GRK4: variants seen among roughly 807,000 people sequenced by gnomAD.
GRK4 encodes G protein-coupled receptor kinase 2-like.
GRK4 carries 73 observed loss-of-function variants against 77.9 expected under a neutral mutation model. The observed-to-expected ratio is 0.94, with a 90% CI of 0.78 to 1.14. The LOEUF is 1.14. Ranked by LOEUF, GRK4 falls within the 50% of genes most tolerant of loss-of-function variation. The pLI is 0.00. For synonymous variants in GRK4, 257 were observed against 254.4 expected (o/e 1.01, Z -0.10); for missense variants, 729 against 700.2 (o/e 1.04, Z -0.46).
intron 8 of GRK4, among the ~76,000 whole-genome samples, chr4:3,016,715 C>CA (rs71180110): frequency 0.3 from 38,805 of 130,200 alleles, 5,459 homozygotes; most frequent in Non-Finnish European, 0.35. Context: ...CAAAGCAAAA[C>CA]AAAAAAAAAA....
chr4:3,028,578 GACC>G (rs890844230), intron 11 of GRK4, among the ~76,000 whole-genome samples: 4 of 152,186 alleles, frequency 2.6e-5, no homozygotes, highest in Non-Finnish European at 5.9e-5. Context: ...GCCTTCCCTA[GACC>G]ACCATTTCCC....
At position 2,976,292 on chromosome 4, in the gene GRK4, C is replaced by T. The variant is rs116188439; in HGVS notation, c.53-8221C>T. Among the ~76,000 whole-genome samples the T allele has an allele frequency of 4.7e-3, 719 of 151,492 alleles. 2 individuals are homozygous for T. The highest frequency in any genetic ancestry group is 0.015 in the African/African-American group (599 of 41,266). ...TGTTGCTCAGGCTGGAATGCAGTGGCGCAGTCATGGCTCACTGCAGCCTTG... is the reference window on the plus strand; with the variant it reads ...TGTTGCTCAGGCTGGAATGCAGTGGTGCAGTCATGGCTCACTGCAGCCTTG... On this transcript the variant is annotated intron_variant, in intron 1 of 15. Transcript: ENST00000398052.
At chr4:2,983,733 A>G (rs1189518243) in intron 1 of GRK4, among the ~76,000 whole-genome samples, 3 of 152,150 alleles carry the variant, frequency 2.0e-5, no homozygotes, top group Non-Finnish European at 4.4e-5. Context: ...TCCCTGTATT[A>G]GTCCATTTTC....
intron 1 of GRK4, chr4:2,965,337 G>A: frequency 1.4e-6 from 1 of 703,042 alleles, no homozygotes; most frequent in East Asian, 2.7e-5. Context: ...CGGACCTCAT[G>A]TCTCCCTTGC....
At chr4:2,987,046 A>T in intron 2 of GRK4, 1 of 478,176 alleles carries the variant, frequency 2.1e-6, no homozygotes, top group South Asian at 1.6e-5. Flanking sequence ...CCATCACCAC[A>T]GTCAATTTGA....
At chr4:3,037,894 G>A (rs954370798) in intron 14 of GRK4, among the ~76,000 whole-genome samples, 15 of 147,748 alleles carry the variant, frequency 1.0e-4, no homozygotes, top group Non-Finnish European at 5.9e-5. Flanking sequence ...CACCTTGGGC[G>A]ACAGAACGAG....
At chr4:2,982,339 C>T (rs1448739243) in intron 1 of GRK4, among the ~76,000 whole-genome samples, 2 of 152,246 alleles carry the variant, frequency 1.3e-5, no homozygotes, top group Non-Finnish European at 2.9e-5. Flanking sequence ...AGCCTACAGG[C>T]AGTGTCAGGC....
chr4:3,015,705 G>A (rs1734262731), intron 8 of GRK4, among the ~76,000 whole-genome samples: 1 of 151,584 alleles, frequency 6.6e-6, no homozygotes, highest in Non-Finnish European at 1.5e-5. Context: ...CACAGTGTGT[G>A]TATATGATAT....
Position 3,027,376 on chromosome 4 carries a change from A to G in GRK4, c.971-536A>G, listed in dbSNP as rs146670253. 3.8e-3 allele frequency among the ~76,000 whole-genome samples: 572 copies of G among 152,326 alleles called. 3 individuals carry two copies. Among genetic ancestry groups the G allele is most frequent in the Non-Finnish European group, 6.5e-3 (442 of 68,030 alleles). ...TTGTTAGTTCCATAGGAATTCAACA[A>G]ATATTTAAATCCTTCTATATTCAAC... On this transcript the variant is annotated intron_variant, in intron 10 of 15. Transcript: ENST00000398052.
intron 1 of GRK4, chr4:2,966,199 G>A (rs1236423584): frequency 6.6e-6 from 1 of 152,336 alleles, no homozygotes; most frequent in Non-Finnish European, 1.5e-5. Context: ...GGATCACAAG[G>A]TCAGGAGATT....
chr4:3,013,638 A>C, intron 7 of GRK4, 50 bp from the exon 8 acceptor site: 3 of 1,570,530 alleles, frequency 1.9e-6, no homozygotes, highest in Non-Finnish European at 2.6e-6. Context: ...TGTGTGGCCT[A>C]AGAAATGCCA....
rs75764250 is a variant in GRK4, at chr4:3,005,453, C to T, written c.443+1119C>T. On this transcript the variant is annotated intron_variant, in intron 5 of 15. Coordinates refer to ENST00000398052, the MANE Select transcript of GRK4 (RefSeq NM_182982.3). ...GTGGCGCACCTGAGCCAGTGCAGTC[C>T]GAGCATAGTGGGGCTGGGGCTGGAC... is the stretch of plus-strand genomic sequence containing the variant. Among the ~76,000 whole-genome samples the T allele has an allele frequency of 9.3e-3, 1,415 of 151,980 alleles. 24 individuals carry two copies. Among genetic ancestry groups the T allele is most frequent in the African/African-American group, 0.032 (1,338 of 41,458 alleles).
chr4:3,030,407 AT>A (rs113686740), intron 12 of GRK4, among the ~76,000 whole-genome samples: 30 of 152,060 alleles, frequency 2.0e-4, no homozygotes, highest in East Asian at 1.4e-3. Context: ...TTAAACCAGT[AT>A]TTTTTTAGCA....
chr4:2,968,043 A>T (rs1331444144), intron 1 of GRK4, among the ~76,000 whole-genome samples: 1 of 151,142 alleles, frequency 6.6e-6, no homozygotes, highest in Non-Finnish European at 1.5e-5. Context: ...CACCCGCCTC[A>T]GCCTCCCAAA....
chr4:2,986,758 C>G (rs1018399705), intron 2 of GRK4: 3 of 275,070 alleles, frequency 1.1e-5, no homozygotes, highest in African/African-American at 2.3e-5. Flanking sequence ...GTAGGAAGGA[C>G]ACATTTATTC....
chr4:2,978,805 A>G (rs1174926939), intron 1 of GRK4, among the ~76,000 whole-genome samples: 3 of 152,174 alleles, frequency 2.0e-5, no homozygotes, highest in Admixed American at 6.5e-5. Flanking sequence ...AAAAATAGCC[A>G]TGTGTGGCCA....
chr4:3,024,504 G>A (rs1260382859), intron 10 of GRK4, among the ~76,000 whole-genome samples: 3 of 152,064 alleles, frequency 2.0e-5, no homozygotes, highest in Non-Finnish European at 4.4e-5. Context: ...GTAGCGATCC[G>A]CCTTGCCTCA....
At chr4:2,995,172 C>G (rs1727420345) in intron 4 of GRK4, among the ~76,000 whole-genome samples, 1 of 152,112 alleles carries the variant, frequency 6.6e-6, no homozygotes, top group African/African-American at 2.4e-5. Flanking sequence ...TTTTCTTTAT[C>G]CGGTTTATCA....
chr4:3,002,924 T>C (rs1730259320), intron 4 of GRK4, among the ~76,000 whole-genome samples: 1 of 152,034 alleles, frequency 6.6e-6, no homozygotes, highest in South Asian at 2.1e-4. Context: ...TTAATTGTGA[T>C]AAAAAAACAC....
Sources: allele counts gnomAD v4.1 joint callset (sites outside exome capture counted in the v4.1 genomes callset), GRCh38; gene constraint gnomAD v4.1.1; transcripts MANE v1.5; gene names NCBI Gene and HGNC (gene_info 2026-07-23, HGNC 2026-07-21).